The following OXR1 variants were observed in gnomAD, a reference collection of about 807,000 sequenced individuals.
OXR1 encodes the protein oxidation resistance protein 1.
A neutral mutation model predicts 104.6 loss-of-function variants in OXR1; 41 were observed. The observed-to-expected ratio is 0.39, with a 90% CI of 0.31 to 0.51. OXR1 has a LOEUF of 0.51. Ranked by LOEUF, OXR1 falls within the 20% of genes least tolerant of loss-of-function variation. The probability of loss-of-function intolerance (pLI) is 0.77; values close to 1 mark genes in which losing one functional copy is unlikely to be tolerated. For missense variants in OXR1, 955 were observed against 1,031.9 expected (o/e 0.93, Z 1.02); for synonymous variants, 348 against 348.4 (o/e 1.00, Z 0.01).
chr8:106,533,079 G>A (rs1175186563), intron 3 of OXR1, among the ~76,000 whole-genome samples: 2 of 152,060 alleles, frequency 1.3e-5, no homozygotes, highest in East Asian at 1.9e-4. Context: ...TCACATCTGG[G>A]GTTTTTCTCA....
intron 8 of OXR1, 28 bp downstream of exon 8, chr8:106,703,118 A>C (rs770434880): frequency 6.8e-7 from 1 of 1,470,334 alleles, no homozygotes; most frequent in Admixed American, 1.7e-5. Flanking sequence ...ATTCCTTTGC[A>C]ACTTTATTGT....
chr8:106,732,074 A>G (rs1044008678), intron 11 of OXR1, among the ~76,000 whole-genome samples: 2 of 152,098 alleles, frequency 1.3e-5, no homozygotes, highest in African/African-American at 4.8e-5. Context: ...ACAGTTTTCT[A>G]CTTTTTTTCA....
chr8:106,470,773 G>C (rs1281112890), intron 2 of OXR1, among the ~76,000 whole-genome samples: 1 of 151,768 alleles, frequency 6.6e-6, no homozygotes. Flanking sequence ...CTGAGAAGAA[G>C]TGATCAGTGA....
At chr8:106,605,652 A>T (rs1586885049) in intron 3 of OXR1, among the ~76,000 whole-genome samples, 1 of 142,700 alleles carries the variant, frequency 7.0e-6, no homozygotes, top group Non-Finnish European at 1.5e-5. Context: ...AAAAAAAAAA[A>T]TTAGGCGGGC....
intron 3 of OXR1, among the ~76,000 whole-genome samples, chr8:106,653,453 TATTA>T (rs1005279067): frequency 1.3e-4 from 20 of 152,056 alleles, no homozygotes; most frequent in African/African-American, 4.1e-4. Flanking sequence ...AATATACAAA[TATTA>T]ATTAATGCAA....
chr8:106,347,763 C>T (rs1188497557), intron 1 of OXR1, among the ~76,000 whole-genome samples: 1 of 152,136 alleles, frequency 6.6e-6, no homozygotes, highest in African/African-American at 2.4e-5. Context: ...CTTTCATTGA[C>T]TGTCATTTGT....
At chr8:106,401,197 G>A (rs1175687203) in intron 2 of OXR1, among the ~76,000 whole-genome samples, 1 of 152,106 alleles carries the variant, frequency 6.6e-6, no homozygotes, top group African/African-American at 2.4e-5. Context: ...CAGGTGTACT[G>A]CTCAAAGTTC....
intron 2 of OXR1, among the ~76,000 whole-genome samples, chr8:106,484,971 C>A (rs976603669): frequency 6.6e-6 from 1 of 151,786 alleles, no homozygotes; most frequent in Non-Finnish European, 1.5e-5. Context: ...TGTAATACAG[C>A]CAAACAATGG....
At chr8:106,472,980 C>A (rs1374278136) in intron 2 of OXR1, among the ~76,000 whole-genome samples, 1 of 151,766 alleles carries the variant, frequency 6.6e-6, no homozygotes, top group East Asian at 1.9e-4. Context: ...TTCTTTTTTT[C>A]CCCAGCATTA....
intron 3 of OXR1, among the ~76,000 whole-genome samples, chr8:106,549,243 C>CGTT (rs746990373): frequency 7.8e-6 from 1 of 128,578 alleles, no homozygotes; most frequent in Non-Finnish European, 1.7e-5. Context: ...ACATATCAAA[C>CGTT]ATTTTTTTTT....
chr8:106,597,741 G>T (rs954859160), intron 3 of OXR1, among the ~76,000 whole-genome samples: 1 of 152,104 alleles, frequency 6.6e-6, no homozygotes, highest in Non-Finnish European at 1.5e-5. Flanking sequence ...CCCCTTAAGC[G>T]ATCCCACATT....
intron 2 of OXR1, among the ~76,000 whole-genome samples, chr8:106,402,067 T>C (rs1418691061): frequency 2.0e-5 from 3 of 152,196 alleles, no homozygotes; most frequent in African/African-American, 4.8e-5. Flanking sequence ...GATAGCTGTA[T>C]ACCAGGTACT....
chr8:106,505,123 A>G (rs1812071337), intron 2 of OXR1, among the ~76,000 whole-genome samples: 1 of 152,250 alleles, frequency 6.6e-6, no homozygotes, highest in Admixed American at 6.5e-5. Context: ...CATAACTATT[A>G]GGAATGCTGT....
chr8:106,661,403 A>G (rs1040031155), intron 3 of OXR1, among the ~76,000 whole-genome samples: 23 of 152,318 alleles, frequency 1.5e-4, no homozygotes, highest in Middle Eastern at 3.4e-3. Flanking sequence ...TTATCACACC[A>G]TTGATCTAGT....
At chr8:106,620,947 G>A (rs902081475) in intron 3 of OXR1, among the ~76,000 whole-genome samples, 7 of 152,090 alleles carry the variant, frequency 4.6e-5, no homozygotes, top group Non-Finnish European at 8.8e-5. Context: ...TGAGTAGAAA[G>A]TTAGGGAAAG....
At chr8:106,613,252 G>A (rs550991933) in intron 3 of OXR1, among the ~76,000 whole-genome samples, 1 of 152,288 alleles carries the variant, frequency 6.6e-6, no homozygotes, top group African/African-American at 2.4e-5. Flanking sequence ...AGTGCTTAGC[G>A]TAGGCTGCTC....
chr8:106,704,387 C>CT (rs1391194530), intron 8 of OXR1, among the ~76,000 whole-genome samples: 38 of 80,832 alleles, frequency 4.7e-4, no homozygotes, highest in African/African-American at 1.6e-3. Context: ...TTCTTTCTTT[C>CT]TTCTTCTTTT....
intron 1 of OXR1, among the ~76,000 whole-genome samples, chr8:106,280,529 A>T (rs982447886): frequency 5.9e-5 from 9 of 152,242 alleles, no homozygotes; most frequent in Middle Eastern, 3.4e-3. Context: ...TCTCTGACTC[A>T]AATTCATAGA....
intron 3 of OXR1, among the ~76,000 whole-genome samples, chr8:106,635,370 A>G (rs1182557125): frequency 6.6e-6 from 1 of 152,204 alleles, no homozygotes; most frequent in African/African-American, 2.4e-5. Flanking sequence ...TGAGTATATT[A>G]TAGAGCTTTT....
Sources: allele counts gnomAD v4.1 joint callset (sites outside exome capture counted in the v4.1 genomes callset), GRCh38; gene constraint gnomAD v4.1.1; transcripts MANE v1.5; gene names NCBI Gene and HGNC (gene_info 2026-07-23, HGNC 2026-07-21).